The following NRG3 variants were observed in gnomAD, a reference collection of about 807,000 sequenced individuals.
NRG3 encodes pro-neuregulin-3, membrane-bound isoform.
In NRG3, 31 loss-of-function variants were observed where a neutral mutation model predicts 66.9. The ratio of observed to expected loss-of-function variants is 0.46; its 90% CI spans 0.35 to 0.63. The LOEUF (loss-of-function observed/expected upper bound fraction) is 0.63. Ranked by LOEUF, NRG3 falls within the 20% of genes least tolerant of loss-of-function variation. NRG3 has a pLI of 0.00. For missense variants in NRG3, 910 were observed against 878.9 expected, an observed-to-expected ratio of 1.04 and a Z score of -0.45; for synonymous variants, 393 against 359.4, an observed-to-expected ratio of 1.09 and a Z score of -1.06.
At chr10:82,423,057 A>G (rs1034309806) in intron 2 of NRG3, among the ~76,000 whole-genome samples, 1 of 151,952 alleles carries the variant, frequency 6.6e-6, no homozygotes, top group Admixed American at 6.6e-5. Flanking sequence ...AATTCCAAAG[A>G]GTTTGTGCAC....
intron 2 of NRG3, among the ~76,000 whole-genome samples, chr10:82,612,490 A>G (rs1350703445): frequency 3.3e-5 from 5 of 152,206 alleles, no homozygotes; most frequent in Non-Finnish European, 5.9e-5. Flanking sequence ...GTGACTTTAT[A>G]GGAATATAGG....
rs148663077 is a variant in NRG3, at chr10:82,602,071, A to C, written c.954-136506A>C. Among the ~76,000 whole-genome samples, 1,255 of 151,628 alleles carry C rather than the reference A, an allele frequency of 8.3e-3. 17 individuals are homozygous for C. Among genetic ancestry groups the C allele is most frequent in the Non-Finnish European group, 0.013 (860 of 67,906 alleles). On this transcript the variant is annotated intron_variant, in intron 2 of 8. Transcript: ENST00000372141. ...GCACTCCAGTATGGGTGACAGAGTG[A>C]AGCCCTGTCTCTAAAAAATAAATAA...
At chr10:82,291,601 C>T (rs139774295) in intron 1 of NRG3, among the ~76,000 whole-genome samples, 17 of 152,180 alleles carry the variant, frequency 1.1e-4, no homozygotes, top group East Asian at 3.9e-4. Context: ...AATTTGGCAG[C>T]GAGAGAGACA....
At chr10:82,618,801 T>C (rs1204596041) in intron 2 of NRG3, among the ~76,000 whole-genome samples, 1 of 152,124 alleles carries the variant, frequency 6.6e-6, no homozygotes, top group Non-Finnish European at 1.5e-5. Context: ...GATAGTATGA[T>C]ATTGAGTATG....
intron 2 of NRG3, among the ~76,000 whole-genome samples, chr10:82,685,878 A>T (rs2134161238): frequency 6.6e-6 from 1 of 152,286 alleles, no homozygotes; most frequent in South Asian, 2.1e-4. Flanking sequence ...GGTCAGGATC[A>T]CCAATATCGT....
chr10:82,930,965 A>G (rs1233999364), intron 4 of NRG3, among the ~76,000 whole-genome samples: 1 of 152,160 alleles, frequency 6.6e-6, no homozygotes, highest in Non-Finnish European at 1.5e-5. Context: ...AACAAAATGT[A>G]CTGTCATTTG....
chr10:82,257,566 T>G (rs1400373292), intron 1 of NRG3, among the ~76,000 whole-genome samples: 1 of 152,078 alleles, frequency 6.6e-6, no homozygotes, highest in Non-Finnish European at 1.5e-5. Context: ...GGTCAGGAGT[T>G]CCAGACCAGC....
chr10:82,699,070 C>T (rs1238832515), intron 2 of NRG3, among the ~76,000 whole-genome samples: 3 of 151,916 alleles, frequency 2.0e-5, no homozygotes, highest in Non-Finnish European at 2.9e-5. Flanking sequence ...TTCTGAAATA[C>T]GAATGTATTA....
At chr10:82,247,404 A>G (rs1235283324) in intron 1 of NRG3, among the ~76,000 whole-genome samples, 1 of 152,146 alleles carries the variant, frequency 6.6e-6, no homozygotes, top group African/African-American at 2.4e-5. Context: ...GAAAGAGAAT[A>G]AGAGAGCTCT....
chr10:81,955,508 T>A (rs1849744883), intron 1 of NRG3, among the ~76,000 whole-genome samples: 1 of 152,138 alleles, frequency 6.6e-6, no homozygotes, highest in Non-Finnish European at 1.5e-5. Context: ...CTAAGGGTGA[T>A]TATGAGAATT....
intron 1 of NRG3, among the ~76,000 whole-genome samples, chr10:82,219,721 C>G: frequency 6.6e-6 from 1 of 151,962 alleles, no homozygotes; most frequent in East Asian, 1.9e-4. Context: ...AATAGTGTAT[C>G]CTGGCAAATT....
chr10:82,391,868 A>C (rs74493672), intron 2 of NRG3, among the ~76,000 whole-genome samples: 4,277 of 152,080 alleles, frequency 0.028, 89 homozygotes, highest in South Asian at 0.048. Flanking sequence ...GCAGCCATAC[A>C]ATCTTCAGAT....
At chr10:82,950,099 A>C (rs1275716181) in intron 4 of NRG3, among the ~76,000 whole-genome samples, 1 of 152,098 alleles carries the variant, frequency 6.6e-6, no homozygotes, top group African/African-American at 2.4e-5. Flanking sequence ...AGATCTACTA[A>C]ATCAGTAACT....
At chr10:82,304,919 A>G (rs1025825839) in intron 1 of NRG3, among the ~76,000 whole-genome samples, 6 of 147,676 alleles carry the variant, frequency 4.1e-5, no homozygotes, top group African/African-American at 1.3e-4. Context: ...AATATTGACT[A>G]TCACAGATCT....
At chr10:81,922,297 A>G (rs1322812556) in intron 1 of NRG3, among the ~76,000 whole-genome samples, 1 of 152,164 alleles carries the variant, frequency 6.6e-6, no homozygotes, top group Non-Finnish European at 1.5e-5. Flanking sequence ...TGAATAACAC[A>G]AGTGCAGTTT....
chr10:82,555,234 C>A (rs2044576374), intron 2 of NRG3, among the ~76,000 whole-genome samples: 1 of 152,108 alleles, frequency 6.6e-6, no homozygotes. Flanking sequence ...CATAGTTTTG[C>A]AAATACAGAT....
chr10:81,995,492 A>C (rs1030556813), intron 1 of NRG3, among the ~76,000 whole-genome samples: 8 of 152,112 alleles, frequency 5.3e-5, no homozygotes, highest in Non-Finnish European at 8.8e-5. Flanking sequence ...TTTAGCTTTT[A>C]TGCTGGCTGT....
chr10:82,353,558 C>T (rs1196101539), intron 1 of NRG3, among the ~76,000 whole-genome samples: 3 of 152,148 alleles, frequency 2.0e-5, no homozygotes, highest in African/African-American at 7.2e-5. Flanking sequence ...AAAGCACTCT[C>T]CCTGACCTCC....
chr10:82,620,766 G>A (rs1222663251), intron 2 of NRG3, among the ~76,000 whole-genome samples: 1 of 152,006 alleles, frequency 6.6e-6, no homozygotes, highest in Non-Finnish European at 1.5e-5. Flanking sequence ...TTTCACCAGG[G>A]ACTCACCCAC....
Sources: allele counts gnomAD v4.1 joint callset (sites outside exome capture counted in the v4.1 genomes callset), GRCh38; gene constraint gnomAD v4.1.1; transcripts MANE v1.5; gene names NCBI Gene and HGNC (gene_info 2026-07-23, HGNC 2026-07-21).